RBBP4: variants seen among roughly 807,000 people sequenced by gnomAD.
The protein encoded by RBBP4 is RB binding protein 4, chromatin remodeling factor, also known as histone-binding protein RBBP4.
A neutral mutation model predicts 57.2 loss-of-function variants in RBBP4; 3 were observed. That is an observed-to-expected ratio of 0.05 (90% CI 0.02 to 0.14). The LOEUF (loss-of-function observed/expected upper bound fraction) is 0.14. Ranked by LOEUF, RBBP4 falls within the 10% of genes least tolerant of loss-of-function variation. The pLI, the probability that RBBP4 is intolerant of heterozygous loss-of-function variation, is 1.00. For synonymous variants in RBBP4, 151 were observed against 171.5 expected, an observed-to-expected ratio of 0.88 and a Z score of 0.93; for missense variants, 107 against 520.6, an observed-to-expected ratio of 0.21 and a Z score of 7.73.
chr1:32,666,671 G>C (rs1465256610), intron 3 of RBBP4, among the ~76,000 whole-genome samples: 3 of 152,246 alleles, frequency 2.0e-5, no homozygotes, highest in African/African-American at 7.2e-5. Flanking sequence ...ACTTTATTAA[G>C]ATCTGTTTTT....
intron 4 of RBBP4, 66 bp from the exon 5 acceptor site, chr1:32,668,673 C>T: frequency 7.7e-7 from 1 of 1,304,950 alleles, no homozygotes; most frequent in South Asian, 1.2e-5. Flanking sequence ...ACCAAAATTC[C>T]ATTATGCTCA....
chr1:32,657,382 C>G, intron 2 of RBBP4, 45 bp from the exon 3 acceptor site: 2 of 1,577,618 alleles, frequency 1.3e-6, no homozygotes, highest in Non-Finnish European at 1.7e-6. Context: ...TTCGCCGTCT[C>G]CTGATGTTAC....
At chr1:32,656,185 TTTTA>T (rs1223138606) in intron 2 of RBBP4, among the ~76,000 whole-genome samples, 1 of 152,154 alleles carries the variant, frequency 6.6e-6, no homozygotes, top group Non-Finnish European at 1.5e-5. Context: ...ATTTTCTTTC[TTTTA>T]TTTATTTTTT....
intron 2 of RBBP4, 113 bp from the exon 3 acceptor site, chr1:32,657,314 T>TC: frequency 9.8e-7 from 1 of 1,022,400 alleles, no homozygotes; most frequent in Non-Finnish European, 1.4e-6. Flanking sequence ...AATGACTTTT[T>TC]CCCCTCTCTT....
At chr1:32,678,191 C>T (rs910676669) in intron 11 of RBBP4, among the ~76,000 whole-genome samples, 1 of 152,088 alleles carries the variant, frequency 6.6e-6, no homozygotes. Flanking sequence ...TCTCATAGTC[C>T]CCCAGCCCTA....
intron 11 of RBBP4, among the ~76,000 whole-genome samples, chr1:32,676,259 G>T (rs529030694): frequency 6.6e-6 from 1 of 152,264 alleles, no homozygotes; most frequent in East Asian, 1.9e-4. Context: ...CTGAAGAATA[G>T]CATAATGGTA....
At chr1:32,666,453 G>T (rs1020419209) in intron 3 of RBBP4, among the ~76,000 whole-genome samples, 2 of 151,932 alleles carry the variant, frequency 1.3e-5, no homozygotes, top group African/African-American at 2.4e-5. Flanking sequence ...CCGCCTCCCA[G>T]GTTCAAGCAA....
At chr1:32,678,399 A>G (rs868361437) in intron 11 of RBBP4, among the ~76,000 whole-genome samples, 2 of 151,180 alleles carry the variant, frequency 1.3e-5, no homozygotes, top group South Asian at 4.2e-4. Context: ...GCTAATTTTT[A>G]TATTTTTAGT....
intron 1 of RBBP4, 154 bp downstream of exon 1, chr1:32,651,476 C>T (rs1280921565): frequency 2.3e-5 from 32 of 1,365,754 alleles, no homozygotes; most frequent in Non-Finnish European, 2.8e-5. Flanking sequence ...GGCGTGCTAA[C>T]GGCTCGCCAG....
rs557177044 is a variant in RBBP4, at chr1:32,660,535, G to C, written c.310+2963G>C. Reference sequence around the variant, plus strand: ...AGATTCAAGCTATTCTCCTGATTCAGCCTCCCAAGTAGCTGGGATTACAGG... The same window carrying C: ...AGATTCAAGCTATTCTCCTGATTCACCCTCCCAAGTAGCTGGGATTACAGG... On this transcript the variant is annotated intron_variant, in intron 3 of 11. Transcript: ENST00000373493. Among the ~76,000 whole-genome samples, 4 of 151,202 alleles carry C rather than the reference G, an allele frequency of 2.6e-5. No individual in the cohort carries two copies. The South Asian group carries it at 8.3e-4, about 32-fold the overall frequency.
chr1:32,665,949 CA>C (rs1648627217), intron 3 of RBBP4, among the ~76,000 whole-genome samples: 1 of 152,048 alleles, frequency 6.6e-6, no homozygotes, highest in Non-Finnish European at 1.5e-5. Context: ...ATTGCTTTGC[CA>C]AGATTTACAT....
Position 32,680,362 on chromosome 1 carries a change from T to TTG in RBBP4, c.*658_*659insGT. 9.0e-7 allele frequency: 1 copy of TTG among 1,116,914 alleles called. No homozygotes were observed. Among genetic ancestry groups the TTG allele is most frequent in the Non-Finnish European group, 1.1e-6 (1 of 905,982 alleles). The allele number at this position is 1,116,914 out of a possible 1,614,324, so 69.2% of individuals were successfully genotyped here. ...TGTTTTTTTTTTTGTTGTTGGTTTT[T>TTG]TTTTTTTTTTTTTTAACTTGGGACC... On this transcript the variant is annotated 3_prime_UTR_variant, in exon 12 of 12. Coordinates refer to ENST00000373493, the MANE Select transcript of RBBP4 (RefSeq NM_005610.3).
At chr1:32,672,615 A>G in intron 9 of RBBP4, 27 bp from the exon 10 acceptor site, 1 of 1,611,750 alleles carries the variant, frequency 6.2e-7, no homozygotes, top group Non-Finnish European at 8.5e-7. Context: ...ATCTGTTTTA[A>G]CTTTTAAAAT....
chr1:32,665,621 T>G (rs1053062081), intron 3 of RBBP4, among the ~76,000 whole-genome samples: 7 of 146,242 alleles, frequency 4.8e-5, no homozygotes, highest in African/African-American at 1.8e-4. Flanking sequence ...GAGGTTGCAG[T>G]GAGCCGAGAT....
rs946478671 is a variant in RBBP4 at position 32,678,599 on chromosome 1, T to C, written c.1213-1041T>C. Among the ~76,000 whole-genome samples the C allele has an allele frequency of 1.5e-4, 5 of 33,594 alleles. 1 individual carries two copies. In the Admixed American group the frequency reaches 1.6e-3, roughly 11 times the overall value. The allele number at this position is 33,594 out of a possible 152,430, so 22.0% of individuals were successfully genotyped here. A position where few individuals can be genotyped will look rare whatever the true frequency, so the allele number is the denominator to read the frequency against. On this transcript the variant is annotated intron_variant, in intron 11 of 11. Coordinates refer to ENST00000373493, the MANE Select transcript of RBBP4 (RefSeq NM_005610.3). ...TTTTTTTTTTTTTTTTTTTTTTTTT[T>C]TTTTTTTTGGCACACAGTCTTGCTT...
chr1:32,652,093 G>T lies in RBBP4; in HGVS notation c.164+32G>T, dbSNP rs775537884. 4.4e-6 allele frequency: 7 copies of T among 1,588,592 alleles called. No individual in the cohort carries two copies. The South Asian group carries it at 5.6e-5, about 13-fold the overall frequency. On this transcript the variant is annotated intron_variant, in intron 2 of 11. Transcript: ENST00000373493. ...TGACTCTCCCGAACGTTATTTTGATGTATTTTCAGTGTAGATTTCTCATAT... is the reference window on the plus strand; with the variant it reads ...TGACTCTCCCGAACGTTATTTTGATTTATTTTCAGTGTAGATTTCTCATAT...
chr1:32,658,050 A>G (rs1252426352), intron 3 of RBBP4, among the ~76,000 whole-genome samples: 1 of 152,024 alleles, frequency 6.6e-6, no homozygotes, highest in African/African-American at 2.4e-5. Context: ...ACAGGGTTTC[A>G]CCAAGTTGGC....
intron 2 of RBBP4, among the ~76,000 whole-genome samples, chr1:32,653,895 T>A (rs1648021194): frequency 6.6e-6 from 1 of 151,894 alleles, no homozygotes; most frequent in Non-Finnish European, 1.5e-5. Flanking sequence ...CCTGACCTCA[T>A]GATCCACCCG....
Position 32,684,046 on chromosome 1 carries a change from T to C in RBBP4, c.*4341T>C. On this transcript the variant is annotated 3_prime_UTR_variant, in exon 12 of 12. Coordinates refer to ENST00000373493, the MANE Select transcript of RBBP4 (RefSeq NM_005610.3). ...GTCTCCATTCCACCTGCCTGAGAAG[T>C]GGGAGCATCAGCCTGTTCCAGGCTC... is the stretch of plus-strand genomic sequence containing the variant. 2 of 1,614,222 alleles carry C rather than the reference T, an allele frequency of 1.2e-6. No individual in the cohort carries two copies. Among genetic ancestry groups the C allele is most frequent in the Non-Finnish European group, 1.7e-6 (2 of 1,180,040 alleles).
Sources: gnomAD v4.1 joint callset for allele counts (sites outside exome capture counted in the v4.1 genomes callset) on GRCh38, gnomAD v4.1.1 for gene constraint, MANE v1.5 for transcripts, NCBI Gene and HGNC (gene_info 2026-07-23, HGNC 2026-07-21) for gene names.